Variants in SULT1E1 observed in about 807,000 individuals in gnomAD.
The protein encoded by SULT1E1 is sulfotransferase family 1E member 1.
SULT1E1 carries 36 observed loss-of-function variants against 33.6 expected under a neutral mutation model. The observed-to-expected ratio is 1.07, with a 90% confidence interval of 0.82 to 1.41. The LOEUF is 1.41. Ranked by LOEUF, SULT1E1 falls within the 40% of genes most tolerant of loss-of-function variation. SULT1E1 has a pLI of 0.00. For synonymous variants in SULT1E1, 121 were observed against 111.7 expected (o/e 1.08, Z -0.53); for missense variants, 371 against 345.7 (o/e 1.07, Z -0.58).
intron 6 of SULT1E1, among the ~76,000 whole-genome samples, chr4:69,844,741 G>A (rs1720941232): frequency 6.6e-6 from 1 of 152,018 alleles, no homozygotes; most frequent in South Asian, 2.1e-4. Flanking sequence ...GGTGTAATTA[G>A]TGAGAAACAA....
At chr4:69,827,013 G>A in the SULT1E1 span, among the ~76,000 whole-genome samples, 39 of 151,070 alleles carry the variant, frequency 2.6e-4, no homozygotes, top group East Asian at 3.9e-4. Context: ...CCCAGCTATC[G>A]GTTATGTCGC....
At chr4:69,827,661 C>T in the SULT1E1 span, among the ~76,000 whole-genome samples, 1 of 152,080 alleles carries the variant, frequency 6.6e-6, no homozygotes, top group Non-Finnish European at 1.5e-5. Flanking sequence ...AGCCCTGGGC[C>T]CTGAACAAAA....
At chr4:69,857,308 T>C (rs1232047206) in intron 2 of SULT1E1, among the ~76,000 whole-genome samples, 192 bp downstream of exon 2, 1 of 152,220 alleles carries the variant, frequency 6.6e-6, no homozygotes, top group Non-Finnish European at 1.5e-5. Flanking sequence ...CATCCATTTC[T>C]CAATGTACTA....
intron 7 of SULT1E1, 97 bp downstream of exon 7, chr4:69,844,064 G>T: frequency 9.3e-7 from 1 of 1,077,564 alleles, no homozygotes; most frequent in East Asian, 2.4e-5. Flanking sequence ...AACTTAAGCT[G>T]GGTTCATAGG....
chr4:69,847,068 T>C (rs1720991311), intron 6 of SULT1E1, among the ~76,000 whole-genome samples: 1 of 151,744 alleles, frequency 6.6e-6, no homozygotes, highest in East Asian at 1.9e-4. Context: ...AATAGCCTAT[T>C]TATCTCACTG....
chr4:69,847,666 A>T, intron 6 of SULT1E1, 32 bp downstream of exon 6: 2 of 1,379,498 alleles, frequency 1.4e-6, no homozygotes, highest in Non-Finnish European at 2.0e-6. Flanking sequence ...CTTAGAAATT[A>T]CCAAGTTGCT....
the SULT1E1 span, among the ~76,000 whole-genome samples, chr4:69,835,404 G>A: frequency 6.6e-6 from 1 of 152,236 alleles, no homozygotes; most frequent in East Asian, 1.9e-4. Context: ...TGTCACCACT[G>A]GATCTTAAAT....
chr4:69,855,211 C>A, intron 3 of SULT1E1, 90 bp downstream of exon 3: 1 of 1,355,066 alleles, frequency 7.4e-7, no homozygotes, highest in Non-Finnish European at 9.9e-7. Context: ...TACTAATTGC[C>A]ATTCTTGCTT....
chr4:69,855,416 C>A lies in SULT1E1; in HGVS notation c.156G>T (p.Trp52Cys). 1.2e-6 allele frequency: 2 copies of A among 1,607,764 alleles called. No individual in the cohort carries two copies. The highest frequency in any genetic ancestry group is 8.5e-7 in the Non-Finnish European group (1 of 1,177,212). Residue 52 changes from tryptophan (W) to cysteine (C), a missense_variant, in exon 3 of 8, where the codon TGG (tryptophan) becomes TGT (cysteine). By Grantham distance (215) the Trp-to-Cys change is radical. Transcript: ENST00000226444. ...IATYPKSGTT[W>C]VSEIVYMIYK... ...AGATCATATACACAATTTCACTAAC[C>A]CAGGTTGTACCTGTAAAAATTAAAT...
At chr4:69,830,784 T>C in the SULT1E1 span, among the ~76,000 whole-genome samples, 2 of 152,158 alleles carry the variant, frequency 1.3e-5, no homozygotes, top group Admixed American at 6.5e-5. Flanking sequence ...CCAGGTTGGA[T>C]TGGTTGTCTG....
downstream of SULT1E1, among the ~76,000 whole-genome samples, chr4:69,840,726 T>G (rs1322061206): frequency 6.6e-6 from 1 of 152,124 alleles, no homozygotes; most frequent in Admixed American, 6.5e-5. Context: ...CTAAGGTAAA[T>G]TTAAAATTAA....
At chr4:69,859,047 A>C in intron 1 of SULT1E1, among the ~76,000 whole-genome samples, 1 of 152,098 alleles carries the variant, frequency 6.6e-6, no homozygotes. Context: ...AAATTGTCTC[A>C]TATTACAATG....
At position 69,855,265 on chromosome 4, in the gene SULT1E1, T is replaced by C. The variant is rs375353689; in HGVS notation, c.271+36A>G. ...CCATGTACATACACACCTTAGAATATATGCAAATAGTTTTTAAAATCAACT... is the reference window on the plus strand; with the variant it reads ...CCATGTACATACACACCTTAGAATACATGCAAATAGTTTTTAAAATCAACT... On this transcript the variant is annotated intron_variant, in intron 3 of 7. Transcript: ENST00000226444. 36 of 1,595,236 alleles carry C rather than the reference T, an allele frequency of 2.3e-5. No individual in the cohort carries two copies. The African/African-American group carries it at 3.2e-4, about 14-fold the overall frequency.
chr4:69,844,514 CT>C (rs935368424), intron 6 of SULT1E1, among the ~76,000 whole-genome samples, 173 bp from the exon 7 acceptor site: 57 of 152,042 alleles, frequency 3.7e-4, no homozygotes, highest in African/African-American at 1.3e-3. Context: ...TATAATTTTC[CT>C]CATCCATAAA....
chr4:69,847,453 T>A (rs1224211004), intron 6 of SULT1E1, among the ~76,000 whole-genome samples: 1 of 151,562 alleles, frequency 6.6e-6, no homozygotes, highest in Non-Finnish European at 1.5e-5. Context: ...GAAGTCAAGT[T>A]CTTTCAAATT....
intron 5 of SULT1E1, 101 bp downstream of exon 5, chr4:69,849,336 G>A (rs2110069164): frequency 7.2e-7 from 1 of 1,379,798 alleles, no homozygotes; most frequent in Middle Eastern, 1.9e-4. Context: ...CTATGAATCA[G>A]GGAAGAAAAC....
chr4:69,852,494 C>T (rs1721146489), intron 4 of SULT1E1, among the ~76,000 whole-genome samples: 1 of 152,098 alleles, frequency 6.6e-6, no homozygotes, highest in African/African-American at 2.4e-5. Context: ...CCTTCTTCCC[C>T]ATCAGTTATT....
rs552033859 is a variant in SULT1E1 at position 69,852,454 on chromosome 4, A to G, written c.369+1763T>C. 8.6e-4 allele frequency among the ~76,000 whole-genome samples: 131 copies of G among 152,244 alleles called. 1 individual carries two copies. The highest frequency in any genetic ancestry group is 3.1e-3 in the African/African-American group (128 of 41,558). ...CTTTTGAAGAATTATCCTGAGCCAT[A>G]ATCTTTTCTTCCAAAAAATCCCGCT... is the stretch of plus-strand genomic sequence containing the variant. On this transcript the variant is annotated intron_variant, in intron 4 of 7. Coordinates refer to ENST00000226444, the MANE Select transcript of SULT1E1 (RefSeq NM_005420.3).
At chr4:69,836,053 G>T in the SULT1E1 span, among the ~76,000 whole-genome samples, 3 of 152,128 alleles carry the variant, frequency 2.0e-5, no homozygotes, top group Non-Finnish European at 4.4e-5. Context: ...GCAGTATGCT[G>T]TTTGGCATGC....
Sources: gnomAD v4.1 joint callset for allele counts (sites outside exome capture counted in the v4.1 genomes callset) on GRCh38, gnomAD v4.1.1 for gene constraint, MANE v1.5 for transcripts, NCBI Gene and HGNC (gene_info 2026-07-23, HGNC 2026-07-21) for gene names.